Variants in TEAD1 observed in about 807,000 individuals in gnomAD.
TEAD1 encodes the protein transcriptional enhancer factor TEF-1.
A neutral mutation model predicts 54.9 loss-of-function variants in TEAD1; 9 were observed. The observed-to-expected ratio is 0.16, with a 90% CI of 0.10 to 0.29. The LOEUF (loss-of-function observed/expected upper bound fraction) is 0.29. Among genes scored for constraint, TEAD1 ranks in the 10% least tolerant of loss-of-function variants. The probability of loss-of-function intolerance (pLI) is 1.00; values close to 1 mark genes in which losing one functional copy is unlikely to be tolerated. For synonymous variants in TEAD1, 200 were observed against 187.8 expected (o/e 1.07, Z -0.53); for missense variants, 387 against 535.9 (o/e 0.72, Z 2.74).
At chr11:12,756,202 C>T (rs192158721) in intron 2 of TEAD1, among the ~76,000 whole-genome samples, 17 of 152,192 alleles carry the variant, frequency 1.1e-4, no homozygotes, top group African/African-American at 3.6e-4. Context: ...TTTTTGAAAA[C>T]GAGAAGGAGT....
intron 3 of TEAD1, among the ~76,000 whole-genome samples, chr11:12,837,066 A>G (rs936187606): frequency 1.3e-5 from 2 of 152,226 alleles, no homozygotes; most frequent in Non-Finnish European, 2.9e-5. Context: ...AGTGTATAAA[A>G]GCAAACAACT....
At position 12,686,627 on chromosome 11, in the gene TEAD1, G is replaced by T. The variant is rs141620434; in HGVS notation, c.-55+11066G>T. On this transcript the variant is annotated intron_variant, in intron 2 of 12. Transcript: ENST00000527636. ...TTCAGATTATATTTTAGAACCTGTGGTCTTGGCACTCTTGACATTCTTAGG... is the reference window on the plus strand; with the variant it reads ...TTCAGATTATATTTTAGAACCTGTGTTCTTGGCACTCTTGACATTCTTAGG... Among the ~76,000 whole-genome samples the T allele has an allele frequency of 3.4e-3, 517 of 152,204 alleles. 3 individuals are homozygous for T. The highest frequency in any genetic ancestry group is 0.011 in the African/African-American group (471 of 41,534).
chr11:12,880,244 G>A (rs1947939104), intron 6 of TEAD1, among the ~76,000 whole-genome samples: 2 of 152,144 alleles, frequency 1.3e-5, no homozygotes, highest in Admixed American at 1.3e-4. Flanking sequence ...AGCCCCTAAA[G>A]GGACAAGGTA....
intron 2 of TEAD1, among the ~76,000 whole-genome samples, chr11:12,684,729 T>G (rs1185590073): frequency 6.6e-6 from 1 of 152,166 alleles, no homozygotes; most frequent in African/African-American, 2.4e-5. Flanking sequence ...TGGCTGCTGT[T>G]AAAACCTAGG....
Position 12,824,316 on chromosome 11 carries a change from A to G in TEAD1, c.203-37934A>G, listed in dbSNP as rs567071664. 2.6e-5 allele frequency among the ~76,000 whole-genome samples: 4 copies of G among 152,334 alleles called. No homozygotes were observed. The South Asian group carries it at 8.3e-4, about 32-fold the overall frequency. ...TGTCTGCAGACTTGCCTAAGTGTGT[A>G]CGCAGTAGTTATTCTAGGCAGGTGC... On this transcript the variant is annotated intron_variant, in intron 3 of 12. Coordinates refer to ENST00000527636, the MANE Select transcript of TEAD1 (RefSeq NM_021961.6).
chr11:12,802,510 C>T (rs1321503713), intron 3 of TEAD1, among the ~76,000 whole-genome samples: 1 of 152,062 alleles, frequency 6.6e-6, no homozygotes, highest in Non-Finnish European at 1.5e-5. Flanking sequence ...CCGCCCGACC[C>T]TTCACAGATA....
At chr11:12,865,259 A>G (rs1276781560) in intron 5 of TEAD1, 1 of 228,046 alleles carries the variant, frequency 4.4e-6, no homozygotes, top group East Asian at 9.5e-5. Context: ...AAAGCTTAAA[A>G]AAAGAAAAGT....
intron 2 of TEAD1, among the ~76,000 whole-genome samples, chr11:12,701,914 T>C (rs1035807954): frequency 4.0e-5 from 6 of 151,886 alleles, no homozygotes; most frequent in Non-Finnish European, 8.8e-5. Context: ...ATCCAAAGAG[T>C]GGCAGGATTA....
intron 12 of TEAD1, among the ~76,000 whole-genome samples, chr11:12,935,494 C>G (rs559877632): frequency 2.6e-5 from 4 of 151,452 alleles, no homozygotes; most frequent in African/African-American, 7.3e-5. Context: ...GAGTCTTGCT[C>G]TGTTGCCCAG....
At chr11:12,901,696 C>CA (rs1480648153) in intron 9 of TEAD1, among the ~76,000 whole-genome samples, 1 of 151,984 alleles carries the variant, frequency 6.6e-6, no homozygotes, top group African/African-American at 2.4e-5. Flanking sequence ...AATGTGTCCG[C>CA]AAAAAAGCCT....
intron 2 of TEAD1, among the ~76,000 whole-genome samples, chr11:12,708,191 G>T (rs1473265542): frequency 1.3e-5 from 2 of 151,832 alleles, no homozygotes; most frequent in Non-Finnish European, 2.9e-5. Context: ...TCTATATACT[G>T]CTGGGAGATG....
At chr11:12,755,892 G>A (rs1003000140) in intron 2 of TEAD1, among the ~76,000 whole-genome samples, 5 of 152,216 alleles carry the variant, frequency 3.3e-5, no homozygotes, top group South Asian at 2.1e-4. Flanking sequence ...TGGTAGTGAC[G>A]GGAGAAAGGA....
intron 2 of TEAD1, among the ~76,000 whole-genome samples, chr11:12,743,416 G>A (rs1944684817): frequency 6.6e-6 from 1 of 152,280 alleles, no homozygotes; most frequent in Non-Finnish European, 1.5e-5. Flanking sequence ...TTAATGATCT[G>A]AAAGTTCCTC....
At chr11:12,709,070 G>C (rs186267722) in intron 2 of TEAD1, among the ~76,000 whole-genome samples, 1 of 152,312 alleles carries the variant, frequency 6.6e-6, no homozygotes, top group East Asian at 1.9e-4. Context: ...GGGTGCGGTA[G>C]CTCATGCCTG....
At chr11:12,740,405 C>G (rs780227345) in intron 2 of TEAD1, among the ~76,000 whole-genome samples, 6 of 152,120 alleles carry the variant, frequency 3.9e-5, no homozygotes, top group Non-Finnish European at 7.3e-5. Flanking sequence ...GTCATTTGGT[C>G]TACGTAAAAT....
chr11:12,739,507 T>C (rs538050267), intron 2 of TEAD1, among the ~76,000 whole-genome samples: 1 of 152,276 alleles, frequency 6.6e-6, no homozygotes, highest in East Asian at 1.9e-4. Context: ...CTACTCTAGG[T>C]ACCGCATATG....
intron 3 of TEAD1, among the ~76,000 whole-genome samples, chr11:12,830,689 T>C (rs1946757487): frequency 6.6e-6 from 1 of 152,118 alleles, no homozygotes; most frequent in Non-Finnish European, 1.5e-5. Flanking sequence ...TATAAATATA[T>C]GTATATACAC....
At chr11:12,903,395 A>G (rs1003171289) in intron 10 of TEAD1, among the ~76,000 whole-genome samples, 8 of 152,266 alleles carry the variant, frequency 5.3e-5, no homozygotes, top group Non-Finnish European at 1.0e-4. Context: ...GAACAAATGG[A>G]TGAATTAAAG....
At chr11:12,689,891 T>TA (rs146434798) in intron 2 of TEAD1, among the ~76,000 whole-genome samples, 2,674 of 151,980 alleles carry the variant, frequency 0.018, 75 homozygotes, top group African/African-American at 0.061. Context: ...AATATGACTC[T>TA]TTTTAAAAAA....
Sources: gnomAD v4.1 joint callset for allele counts (sites outside exome capture counted in the v4.1 genomes callset) on GRCh38, gnomAD v4.1.1 for gene constraint, MANE v1.5 for transcripts, NCBI Gene and HGNC (gene_info 2026-07-23, HGNC 2026-07-21) for gene names.